Variants in PAM observed in about 807,000 individuals in gnomAD.
PAM encodes peptidylglycine alpha-amidating monooxygenase, also known as peptidyl-glycine alpha-amidating monooxygenase.
A neutral mutation model predicts 122.1 loss-of-function variants in PAM; 72 were observed. The ratio of observed to expected loss-of-function variants is 0.59; its 90% CI spans 0.49 to 0.72. The LOEUF (loss-of-function observed/expected upper bound fraction) is 0.72, where lower values mean the gene tolerates loss of function less well. PAM is among the 30% of genes least tolerant of loss of function. PAM has a pLI of 0.00. For missense variants in PAM, 1,106 were observed against 1,183.7 expected, an observed-to-expected ratio of 0.93 and a Z score of 0.96; for synonymous variants, 389 against 404.4, an observed-to-expected ratio of 0.96 and a Z score of 0.46.
intron 4 of PAM, among the ~76,000 whole-genome samples, chr5:102,911,767 T>C (rs551456346): frequency 5.7e-4 from 87 of 152,092 alleles, no homozygotes; most frequent in African/African-American, 2.1e-3. Context: ...TACTAATAGC[T>C]CCTTCTTTTT....
intron 1 of PAM, among the ~76,000 whole-genome samples, chr5:102,794,208 C>T (rs986920490): frequency 9.2e-5 from 14 of 152,132 alleles, no homozygotes; most frequent in Non-Finnish European, 1.9e-4. Context: ...TAATGCTGTG[C>T]GGATCAGGAT....
chr5:102,892,737 ATTTATTTGAG>A (rs1473911869), intron 3 of PAM, among the ~76,000 whole-genome samples: 1 of 151,822 alleles, frequency 6.6e-6, no homozygotes, highest in Non-Finnish European at 1.5e-5. Context: ...GAGTACATAC[ATTTATTTGAG>A]TTTTACAAGA....
intron 1 of PAM, among the ~76,000 whole-genome samples, chr5:102,804,552 A>T (rs1765714632): frequency 6.6e-6 from 1 of 152,198 alleles, no homozygotes; most frequent in African/African-American, 2.4e-5. Context: ...GTTTTAATTA[A>T]CATATTGAAA....
chr5:102,782,723 C>CTGTGTGTGTG (rs1213041689), intron 1 of PAM, among the ~76,000 whole-genome samples: 9 of 143,626 alleles, frequency 6.3e-5, no homozygotes, highest in African/African-American at 2.4e-4. Flanking sequence ...CTCTCTCTCT[C>CTGTGTGTGTG]TCTGTGTGTG....
At chr5:102,944,240 C>T (rs1756229579) in intron 7 of PAM, among the ~76,000 whole-genome samples, 1 of 152,012 alleles carries the variant, frequency 6.6e-6, no homozygotes, top group Non-Finnish European at 1.5e-5. Context: ...ATCTTGAAAA[C>T]CCTTACACTA....
At chr5:102,775,126 A>G (rs1756819644) in intron 1 of PAM, among the ~76,000 whole-genome samples, 1 of 151,980 alleles carries the variant, frequency 6.6e-6, no homozygotes, top group African/African-American at 2.4e-5. Context: ...CATTAATTGA[A>G]TAATTATTCC....
intron 22 of PAM, among the ~76,000 whole-genome samples, chr5:103,018,255 G>A (rs1223443125): frequency 1.3e-5 from 2 of 151,146 alleles, no homozygotes; most frequent in African/African-American, 4.9e-5. Flanking sequence ...TTAGATAAAG[G>A]ACAAAAAAAC....
chr5:102,799,914 GT>G (rs1487709408), intron 1 of PAM, among the ~76,000 whole-genome samples: 11 of 152,154 alleles, frequency 7.2e-5, no homozygotes, highest in Non-Finnish European at 1.3e-4. Flanking sequence ...GGAGAGATTG[GT>G]TATCCACAAC....
intron 7 of PAM, among the ~76,000 whole-genome samples, chr5:102,930,205 G>T (rs866702016): frequency 7.2e-5 from 11 of 152,270 alleles, no homozygotes; most frequent in Middle Eastern, 3.4e-3. Flanking sequence ...TACTAGTGCT[G>T]GGTATACTAG....
At chr5:102,997,156 A>G (rs1396265680) in intron 16 of PAM, among the ~76,000 whole-genome samples, 1 of 152,170 alleles carries the variant, frequency 6.6e-6, no homozygotes, top group Non-Finnish European at 1.5e-5. Context: ...AGCAAACGAA[A>G]CCTAAAAAGA....
intron 1 of PAM, among the ~76,000 whole-genome samples, chr5:102,772,914 C>T (rs1398033305): frequency 2.0e-5 from 3 of 152,056 alleles, no homozygotes; most frequent in Admixed American, 6.6e-5. Context: ...TATGATTCAA[C>T]CTATCAAAAC....
intron 12 of PAM, among the ~76,000 whole-genome samples, chr5:102,954,700 A>G (rs1760150448): frequency 2.0e-5 from 3 of 152,078 alleles, no homozygotes; most frequent in Admixed American, 1.3e-4. Context: ...AATTCGTTTC[A>G]AATGTTTAGT....
At chr5:102,998,121 T>C (rs1776267530) in intron 16 of PAM, among the ~76,000 whole-genome samples, 1 of 152,228 alleles carries the variant, frequency 6.6e-6, no homozygotes. Context: ...AAGTTCAGTG[T>C]ATGCTCCTGG....
At chr5:102,976,331 A>AT (rs1393261588) in intron 15 of PAM, among the ~76,000 whole-genome samples, 1 of 152,136 alleles carries the variant, frequency 6.6e-6, no homozygotes, top group Non-Finnish European at 1.5e-5. Flanking sequence ...ATGCAGTGTA[A>AT]TATCTAACTT....
downstream of PAM, chr5:103,030,933 A>G (rs1403850671): frequency 6.6e-6 from 1 of 152,216 alleles, no homozygotes; most frequent in East Asian, 1.9e-4. Context: ...CAATAAGTGG[A>G]TAGCTATATT....
intron 1 of PAM, among the ~76,000 whole-genome samples, chr5:102,765,925 G>A (rs888752294): frequency 2.6e-5 from 4 of 152,080 alleles, no homozygotes; most frequent in African/African-American, 9.6e-5. Context: ...TTTCCAATTC[G>A]TCACATTCAC....
chr5:102,949,118 G>A lies in PAM; in HGVS notation c.644-419G>A, dbSNP rs115291092. Among the ~76,000 whole-genome samples, 610 of 152,082 alleles carry A rather than the reference G, an allele frequency of 4.0e-3. 2 individuals carry two copies. Among genetic ancestry groups the A allele is most frequent in the African/African-American group, 0.014 (575 of 41,532 alleles). ...GCTACTGTGTTAGACTATAAGGAAG[G>A]AACAGTATGAAATGGCCTCTTCTCA... On this transcript the variant is annotated intron_variant, in intron 9 of 25. Transcript: ENST00000438793.
At chr5:102,823,250 C>T (rs540937671) in intron 1 of PAM, among the ~76,000 whole-genome samples, 4 of 152,246 alleles carry the variant, frequency 2.6e-5, no homozygotes, top group East Asian at 3.9e-4. Context: ...AGTTTGAATA[C>T]TGTCAAAAGT....
chr5:102,843,023 G>GTCTTT (rs1306448518), intron 1 of PAM, among the ~76,000 whole-genome samples: 1 of 152,206 alleles, frequency 6.6e-6, no homozygotes, highest in Admixed American at 6.5e-5. Context: ...TAAGAAGCAA[G>GTCTTT]TCAGCCCACT....
Sources: allele counts gnomAD v4.1 joint callset (sites outside exome capture counted in the v4.1 genomes callset), GRCh38; gene constraint gnomAD v4.1.1; transcripts MANE v1.5; gene names NCBI Gene and HGNC (gene_info 2026-07-23, HGNC 2026-07-21).